Variants in PDE4D observed in about 807,000 individuals in gnomAD.
PDE4D encodes the protein phosphodiesterase 4D.
Under a neutral mutation model 87.4 loss-of-function variants are expected in PDE4D, and 24 were observed. The observed-to-expected ratio is 0.27, with a 90% CI of 0.20 to 0.39. The LOEUF (loss-of-function observed/expected upper bound fraction) is 0.39, where lower values mean the gene tolerates loss of function less well. PDE4D is among the 10% of genes least tolerant of loss of function. The pLI, the probability that PDE4D is intolerant of heterozygous loss-of-function variation, is 1.00. For synonymous variants in PDE4D, 384 were observed against 383.2 expected (o/e 1.00, Z -0.02); for missense variants, 714 against 1,041.0 (o/e 0.69, Z 4.32).
At chr5:60,187,201 A>AT (rs1012712332) in intron 1 of PDE4D, among the ~76,000 whole-genome samples, 2 of 152,072 alleles carry the variant, frequency 1.3e-5, no homozygotes, top group South Asian at 2.1e-4. Context: ...GTGTGTATGG[A>AT]TTTTTTCTAA....
At chr5:59,121,822 G>T (rs1368750486) in intron 5 of PDE4D, among the ~76,000 whole-genome samples, 1 of 152,090 alleles carries the variant, frequency 6.6e-6, no homozygotes, top group Non-Finnish European at 1.5e-5. Flanking sequence ...CAACCTAAGG[G>T]TCCCTCAACA....
intron 1 of PDE4D, among the ~76,000 whole-genome samples, chr5:59,517,829 T>C (rs961512677): frequency 1.3e-5 from 2 of 152,218 alleles, no homozygotes; most frequent in African/African-American, 4.8e-5. Context: ...GTCAATGTAA[T>C]GGTCATTACA....
chr5:59,020,989 T>C (rs1204660070), intron 6 of PDE4D, among the ~76,000 whole-genome samples: 2 of 152,228 alleles, frequency 1.3e-5, no homozygotes, highest in African/African-American at 4.8e-5. Flanking sequence ...TTTTCATTTC[T>C]AGTTTCCCCA....
chr5:60,074,741 C>T (rs1471899646), intron 2 of PDE4D, among the ~76,000 whole-genome samples: 2 of 152,174 alleles, frequency 1.3e-5, no homozygotes, highest in Non-Finnish European at 2.9e-5. Flanking sequence ...TGAATTAAAA[C>T]CTTTACCATT....
chr5:60,512,038 A>G (rs994141937), intron 1 of PDE4D, among the ~76,000 whole-genome samples: 1 of 152,212 alleles, frequency 6.6e-6, no homozygotes, highest in Non-Finnish European at 1.5e-5. Flanking sequence ...AACTGAGAAT[A>G]TTCAATGAAA....
chr5:59,883,551 A>T (rs571364275), intron 1 of PDE4D, among the ~76,000 whole-genome samples: 1 of 152,366 alleles, frequency 6.6e-6, no homozygotes, highest in South Asian at 2.1e-4. Context: ...AGAAACATTT[A>T]TATCTATTTC....
chr5:59,574,013 T>A lies in PDE4D; in HGVS notation c.455+319155A>T, dbSNP rs1369112779. Among the ~76,000 whole-genome samples the A allele has an allele frequency of 1.7e-3, 154 of 90,326 alleles. 3 individuals are homozygous for A. The highest frequency in any genetic ancestry group is 4.7e-3 in the African/African-American group (114 of 24,502). 59.3% of individuals were successfully genotyped at this position (90,326 alleles called of 152,430 possible). ...ACTCTGTCTCAAAAAAAAATATATA[T>A]ATATATATATATATAAAAATATATA... On this transcript the variant is annotated intron_variant, in intron 1 of 14. Coordinates refer to ENST00000340635, the MANE Select transcript of PDE4D (RefSeq NM_001104631.2).
intron 1 of PDE4D, among the ~76,000 whole-genome samples, chr5:59,322,923 C>T (rs1561954998): frequency 1.3e-5 from 2 of 152,098 alleles, no homozygotes; most frequent in Non-Finnish European, 2.9e-5. Context: ...AAGCAAATGT[C>T]ATTGGTATTT....
intron 2 of PDE4D, among the ~76,000 whole-genome samples, chr5:60,106,811 G>A (rs1485081831): frequency 5.4e-5 from 8 of 149,484 alleles, no homozygotes; most frequent in South Asian, 2.1e-4. Flanking sequence ...TGAAACCAAC[G>A]AGAACAAAGA....
At chr5:59,349,979 A>G (rs35274) in intron 1 of PDE4D, among the ~76,000 whole-genome samples, 54,106 of 152,012 alleles carry the variant, frequency 0.36, 10,824 homozygotes, top group South Asian at 0.46. Flanking sequence ...ATAATTGAGC[A>G]GATTCTTTTG....
intron 1 of PDE4D, among the ~76,000 whole-genome samples, chr5:59,585,416 T>C (rs77189015): frequency 0.023 from 3,560 of 152,286 alleles, 118 homozygotes; most frequent in African/African-American, 0.072. Context: ...CCAGAACATT[T>C]ACCTGAAAGA....
chr5:60,280,368 A>T (rs1751786320), intron 1 of PDE4D, among the ~76,000 whole-genome samples: 1 of 151,360 alleles, frequency 6.6e-6, no homozygotes. Flanking sequence ...CAAGATTTTT[A>T]GTTGTATTTA....
At chr5:59,023,114 G>A (rs1285796614) in intron 6 of PDE4D, among the ~76,000 whole-genome samples, 1 of 151,638 alleles carries the variant, frequency 6.6e-6, no homozygotes, top group Non-Finnish European at 1.5e-5. Flanking sequence ...GGAGAAGGTT[G>A]CAGTGAGCCT....
chr5:60,155,433 G>T (rs1168613324), intron 2 of PDE4D, among the ~76,000 whole-genome samples: 1 of 152,138 alleles, frequency 6.6e-6, no homozygotes, highest in East Asian at 1.9e-4. Context: ...TTCCTAATGG[G>T]ATGTGTGTCT....
At chr5:59,377,094 A>C (rs1185693490) in intron 1 of PDE4D, among the ~76,000 whole-genome samples, 1 of 152,192 alleles carries the variant, frequency 6.6e-6, no homozygotes, top group Non-Finnish European at 1.5e-5. Context: ...CAACCTAGGC[A>C]ATACCATCTT....
intron 1 of PDE4D, among the ~76,000 whole-genome samples, chr5:60,347,778 G>A (rs557256031): frequency 6.6e-6 from 1 of 152,126 alleles, no homozygotes; most frequent in African/African-American, 2.4e-5. Context: ...ATAATTCCTT[G>A]CACACTGAGA....
intron 2 of PDE4D, among the ~76,000 whole-genome samples, chr5:60,138,143 T>C (rs1371781831): frequency 6.6e-6 from 1 of 152,182 alleles, no homozygotes; most frequent in Non-Finnish European, 1.5e-5. Context: ...CTCTGGTCTA[T>C]GTGTTTGTTC....
At chr5:60,175,462 T>C (rs1035654214) in intron 2 of PDE4D, among the ~76,000 whole-genome samples, 1 of 152,162 alleles carries the variant, frequency 6.6e-6, no homozygotes, top group African/African-American at 2.4e-5. Flanking sequence ...TTCTCTTGCC[T>C]TTTCATATGG....
chr5:59,156,781 T>A (rs1780292334), intron 5 of PDE4D, among the ~76,000 whole-genome samples: 1 of 152,098 alleles, frequency 6.6e-6, no homozygotes, highest in Non-Finnish European at 1.5e-5. Flanking sequence ...TACAGCGAAA[T>A]TTTCAGGACT....
Sources: allele counts gnomAD v4.1 joint callset (sites outside exome capture counted in the v4.1 genomes callset), GRCh38; gene constraint gnomAD v4.1.1; transcripts MANE v1.5; gene names NCBI Gene and HGNC (gene_info 2026-07-23, HGNC 2026-07-21).